The following MYT1L variants were observed in gnomAD, a reference collection of about 807,000 sequenced individuals.
MYT1L encodes the protein myelin transcription factor 1-like protein.
In MYT1L, 12 loss-of-function variants were observed where a neutral mutation model predicts 126.7. That is an observed-to-expected ratio of 0.09 (90% CI 0.06 to 0.15). The LOEUF (loss-of-function observed/expected upper bound fraction) is 0.15, where lower values mean the gene tolerates loss of function less well. Among genes scored for constraint, MYT1L ranks in the 10% least tolerant of loss-of-function variants. MYT1L has a pLI of 1.00. For synonymous variants in MYT1L, 541 were observed against 604.2 expected, an observed-to-expected ratio of 0.90 and a Z score of 1.53; for missense variants, 979 against 1,585.2, an observed-to-expected ratio of 0.62 and a Z score of 6.49.
chr2:1,993,649 A>C (rs1019797931), intron 5 of MYT1L, among the ~76,000 whole-genome samples: 1 of 152,244 alleles, frequency 6.6e-6, no homozygotes, highest in Non-Finnish European at 1.5e-5. Context: ...AAAATAATTT[A>C]CAAAAATGAT....
At chr2:1,880,399 G>C (rs1025455278) in intron 18 of MYT1L, among the ~76,000 whole-genome samples, 11 of 152,014 alleles carry the variant, frequency 7.2e-5, no homozygotes, top group Non-Finnish European at 1.6e-4. Context: ...GTGCAGTGGC[G>C]CGATCTCGGC....
intron 1 of MYT1L, among the ~76,000 whole-genome samples, chr2:2,295,767 CAG>C (rs1211602756): frequency 0.039 from 662 of 16,844 alleles, 30 homozygotes; most frequent in African/African-American, 0.087. Context: ...GACAGACAGA[CAG>C]AGAGAGAGAT....
intron 21 of MYT1L, among the ~76,000 whole-genome samples, chr2:1,810,659 T>C (rs2036473688): frequency 6.6e-6 from 1 of 151,590 alleles, no homozygotes; most frequent in African/African-American, 2.4e-5. Context: ...TTTCTAAATA[T>C]TATTTTTGTA....
At chr2:1,869,387 G>A (rs895946542) in intron 18 of MYT1L, among the ~76,000 whole-genome samples, 9 of 152,254 alleles carry the variant, frequency 5.9e-5, no homozygotes, top group African/African-American at 1.9e-4. Context: ...GGCACTCCAA[G>A]TCCTCCCCAG....
intron 2 of MYT1L, among the ~76,000 whole-genome samples, chr2:2,278,376 T>C (rs1469929551): frequency 6.6e-6 from 1 of 152,218 alleles, no homozygotes; most frequent in African/African-American, 2.4e-5. Context: ...GGATCCCTCC[T>C]CTGTCACTGT....
chr2:2,200,781 C>T (rs563119185), intron 2 of MYT1L, among the ~76,000 whole-genome samples: 5 of 152,242 alleles, frequency 3.3e-5, no homozygotes, highest in African/African-American at 9.6e-5. Flanking sequence ...CAGGGGGTTG[C>T]GCTCATGGCT....
chr2:2,040,397 A>C (rs2067397923), intron 4 of MYT1L, among the ~76,000 whole-genome samples: 2 of 152,226 alleles, frequency 1.3e-5, no homozygotes, highest in South Asian at 4.1e-4. Flanking sequence ...CATGCAGATT[A>C]ATCTTTAAAA....
intron 2 of MYT1L, among the ~76,000 whole-genome samples, chr2:2,240,844 T>C (rs1458906231): frequency 6.6e-6 from 1 of 151,940 alleles, no homozygotes; most frequent in Non-Finnish European, 1.5e-5. Flanking sequence ...TGTCATGGAG[T>C]TGGAAAAAGG....
intron 2 of MYT1L, among the ~76,000 whole-genome samples, chr2:2,227,195 T>A (rs1374027545): frequency 6.6e-6 from 1 of 152,140 alleles, no homozygotes; most frequent in South Asian, 2.1e-4. Flanking sequence ...ACCTTAGACC[T>A]TGACTTTTCT....
At chr2:2,019,820 G>C (rs1311820593) in intron 4 of MYT1L, among the ~76,000 whole-genome samples, 1 of 151,338 alleles carries the variant, frequency 6.6e-6, no homozygotes, top group Non-Finnish European at 1.5e-5. Flanking sequence ...TTTTCAGTTT[G>C]AGTTGATAAC....
intron 1 of MYT1L, among the ~76,000 whole-genome samples, chr2:2,312,512 C>G (rs754384376): frequency 1.3e-5 from 2 of 151,974 alleles, no homozygotes; most frequent in East Asian, 3.9e-4. Context: ...ACTCAGGAGG[C>G]TGAGGTGGGA....
intron 3 of MYT1L, among the ~76,000 whole-genome samples, chr2:2,066,958 G>A (rs1050940842): frequency 1.1e-4 from 17 of 152,208 alleles, no homozygotes; most frequent in Non-Finnish European, 2.4e-4. Flanking sequence ...GTTAAAGGAG[G>A]CCTGAATCAA....
chr2:2,268,464 A>T (rs1197730613), intron 2 of MYT1L, among the ~76,000 whole-genome samples: 1 of 152,196 alleles, frequency 6.6e-6, no homozygotes. Context: ...TTTAGACCAC[A>T]AATAGCCTAT....
Position 2,217,685 on chromosome 2 carries a change from C to CAAAAAAAA in MYT1L, c.-420-44698_-420-44697insTTTTTTTT, listed in dbSNP as rs1167910803. 2.3e-4 allele frequency among the ~76,000 whole-genome samples: 18 copies of CAAAAAAAA among 79,620 alleles called. 2 individuals are homozygous for CAAAAAAAA. The highest frequency in any genetic ancestry group is 3.9e-4 in the South Asian group (1 of 2,542). The allele number at this position is 79,620 out of a possible 152,430, so 52.2% of individuals were successfully genotyped here. A position where few individuals can be genotyped will look rare whatever the true frequency, so the allele number is the denominator to read the frequency against. On this transcript the variant is annotated intron_variant, in intron 2 of 24. Transcript: ENST00000647738. ...AACTCCATCTCAACAACAACAACAACAACAACAACAACAACAACAACAAAA... is the reference window on the plus strand; with the variant it reads ...AACTCCATCTCAACAACAACAACAACAAAAAAAAAACAACAACAACAACAACAACAAAA...
chr2:2,001,237 C>CTTTTTTTTTTTTTTTTTCTTTTTTTTT (rs11389323), intron 4 of MYT1L, among the ~76,000 whole-genome samples: 1 of 103,910 alleles, frequency 9.6e-6, no homozygotes. Flanking sequence ...TTGGTTTTAG[C>CTTTTTTTTTTTTTTTTTCTTTTTTTTT]TTTTTTTTTT....
chr2:1,922,149 C>T lies in MYT1L; in HGVS notation c.1483+137G>A. The T allele has an allele frequency of 3.4e-6, 4 of 1,173,086 alleles. No individual in the cohort carries two copies. Among genetic ancestry groups the T allele is most frequent in the East Asian group, 2.5e-5 (1 of 39,392 alleles). The allele number at this position is 1,173,086 out of a possible 1,614,324, so 72.7% of individuals were successfully genotyped here. On this transcript the variant is annotated intron_variant, in intron 10 of 24. Transcript: ENST00000647738. The surrounding 1 kb of genome is among the most constrained non-coding windows in gnomAD (Gnocchi z 7.4). Reference sequence around the variant, plus strand: ...GTCAGAAACGTAATCACAAAATATCCTTCTGGAATCAACTCTAAGAATGTG... The same window carrying T: ...GTCAGAAACGTAATCACAAAATATCTTTCTGGAATCAACTCTAAGAATGTG...
At chr2:2,026,884 C>T (rs934317729) in intron 4 of MYT1L, among the ~76,000 whole-genome samples, 1 of 152,124 alleles carries the variant, frequency 6.6e-6, no homozygotes, top group Non-Finnish European at 1.5e-5. Flanking sequence ...GTGGAAGGCT[C>T]GCCTCTGTGG....
At chr2:2,185,429 C>G (rs768972218) in intron 2 of MYT1L, among the ~76,000 whole-genome samples, 1 of 152,188 alleles carries the variant, frequency 6.6e-6, no homozygotes, top group Non-Finnish European at 1.5e-5. Context: ...GGCCTCCACA[C>G]GTGAGGGGGA....
chr2:2,212,228 T>A (rs767215346), intron 2 of MYT1L, among the ~76,000 whole-genome samples: 21,967 of 152,100 alleles, frequency 0.14, 1,712 homozygotes, highest in African/African-American at 0.19. Flanking sequence ...ATATGGGCAT[T>A]TAACTTTGAA....
Sources: allele counts gnomAD v4.1 joint callset (sites outside exome capture counted in the v4.1 genomes callset), GRCh38; gene constraint gnomAD v4.1.1; non-coding constraint Gnocchi (gnomAD v3.1); transcripts MANE v1.5; gene names NCBI Gene and HGNC (gene_info 2026-07-23, HGNC 2026-07-21).